The following EVC2 variants were observed in gnomAD, a reference collection of about 807,000 sequenced individuals.
EVC2 encodes the protein limbin.
EVC2 carries 148 observed loss-of-function variants against 149.3 expected under a neutral mutation model. The observed-to-expected ratio is 0.99, with a 90% CI of 0.87 to 1.14. The LOEUF (loss-of-function observed/expected upper bound fraction) is 1.14, where lower values mean the gene tolerates loss of function less well. Ranked by LOEUF, EVC2 falls within the 50% of genes most tolerant of loss-of-function variation. The pLI is 0.00. For synonymous variants in EVC2, 776 were observed against 649.9 expected (o/e 1.19, Z -2.95); for missense variants, 1,854 against 1,627.3 (o/e 1.14, Z -2.40).
intron 9 of EVC2, among the ~76,000 whole-genome samples, chr4:5,655,895 T>A (rs903018733): frequency 1.3e-5 from 2 of 152,104 alleles, no homozygotes; most frequent in African/African-American, 4.8e-5. Context: ...CCACAAGGAT[T>A]TCCAGTGGAA....
At chr4:5,544,306 A>C (rs959071775) in intron 21 of EVC2, among the ~76,000 whole-genome samples, 2 of 152,102 alleles carry the variant, frequency 1.3e-5, no homozygotes, top group Non-Finnish European at 2.9e-5. Context: ...CAAGTTGTCA[A>C]ATAGTGGATC....
chr4:5,682,112 C>T (rs1235917239), intron 6 of EVC2, among the ~76,000 whole-genome samples: 2 of 152,162 alleles, frequency 1.3e-5, no homozygotes. Context: ...CTGAAGAGTG[C>T]CTGGCACTAG....
chr4:5,636,098 T>C lies in EVC2; in HGVS notation c.1471-4066A>G, dbSNP rs1716874974. ...CTTACTTATACTCACAACAGCCCTC[T>C]AAGACCTCAGGCATCATGATTATCC... is the stretch of plus-strand genomic sequence containing the variant. On this transcript the variant is annotated intron_variant, in intron 10 of 21. Coordinates refer to ENST00000344408, the MANE Select transcript of EVC2 (RefSeq NM_147127.5). This position sits in a 1 kb window ranked among gnomAD's most constrained non-coding sequence, Gnocchi z 4.6. 6.6e-6 allele frequency among the ~76,000 whole-genome samples: 1 copy of C among 152,166 alleles called. No individual in the cohort carries two copies. Among genetic ancestry groups the C allele is most frequent in the South Asian group, 2.1e-4 (1 of 4,820 alleles).
At chr4:5,596,116 A>G (rs1713387685) in intron 16 of EVC2, among the ~76,000 whole-genome samples, 1 of 152,174 alleles carries the variant, frequency 6.6e-6, no homozygotes, top group African/African-American at 2.4e-5. Flanking sequence ...ACACAATAAC[A>G]ATGGGAGACT....
chr4:5,565,297 C>T lies in EVC2; in HGVS notation c.3620G>A (p.Gly1207Glu). Residue 1207 changes from glycine to glutamate, a missense_variant, in exon 21 of 22, where the codon GGA becomes GAA. Physicochemically the swap from Gly to Glu is moderately conservative, Grantham distance 98. Coordinates refer to ENST00000344408, the MANE Select transcript of EVC2 (RefSeq NM_147127.5). ...GCGGGCCCACAGCATCTTTTCTAAT[C>T]CTCTGCTTATCAGATCTCCTCGCAG... ...GKLRGDLISR[G>E]LEKMLWARKR... is the part of the protein sequence containing the mutation. 6.2e-7 allele frequency: 1 copy of T among 1,614,144 alleles called. No homozygotes were observed. Among genetic ancestry groups the T allele is most frequent in the African/African-American group, 1.3e-5 (1 of 75,034 alleles).
At chr4:5,560,209 T>C (rs1382723608), downstream of EVC2, among the ~76,000 whole-genome samples, 1 of 152,018 alleles carries the variant, frequency 6.6e-6, no homozygotes. The surrounding 1 kb of genome is among the most constrained non-coding windows in gnomAD (Gnocchi z 4.1). Flanking sequence ...TTCTCTCTCA[T>C]GAGTAGGCTT....
chr4:5,655,866 C>G (rs139761260), intron 9 of EVC2, among the ~76,000 whole-genome samples: 1 of 152,092 alleles, frequency 6.6e-6, no homozygotes, highest in African/African-American at 2.4e-5. Context: ...TTATGGGCCT[C>G]GTAAAACTGA....
intron 18 of EVC2, among the ~76,000 whole-genome samples, chr4:5,575,119 G>A (rs562723335): frequency 6.6e-6 from 1 of 152,222 alleles, no homozygotes; most frequent in South Asian, 2.1e-4. Flanking sequence ...AAGATCTGGG[G>A]TCTACACCCA....
At chr4:5,594,328 G>A (rs1178227194) in intron 16 of EVC2, among the ~76,000 whole-genome samples, 1 of 152,194 alleles carries the variant, frequency 6.6e-6, no homozygotes, top group Admixed American at 6.5e-5. Flanking sequence ...CCTCCCAGTA[G>A]GGGCAGACTG....
intron 14 of EVC2, among the ~76,000 whole-genome samples, chr4:5,620,681 C>G (rs1487975881): frequency 6.6e-6 from 1 of 152,142 alleles, no homozygotes. Context: ...CCTCTTTAAC[C>G]CTTGGAAAAA....
At chr4:5,647,193 A>G (rs751010033) in intron 9 of EVC2, among the ~76,000 whole-genome samples, 28 of 152,138 alleles carry the variant, frequency 1.8e-4, no homozygotes, top group Non-Finnish European at 3.5e-4. Flanking sequence ...TGCTGTCCTC[A>G]CAGCAAGCGG....
chr4:5,568,388 G>T lies in EVC2; in HGVS notation c.3557+56C>A, dbSNP rs1459819068. ...GCCTCCCATGACCTTGAGGACTCAT[G>T]GGGACCCTTGTGGACAGGGACGTGC... On this transcript the variant is annotated intron_variant, in intron 20 of 21. Transcript: ENST00000344408. 32 of 1,517,844 alleles carry T rather than the reference G, an allele frequency of 2.1e-5. No homozygotes were observed. The Admixed American group carries it at 6.4e-4, about 30-fold the overall frequency. The allele number at this position is 1,517,844 out of a possible 1,614,324, so 94.0% of individuals were successfully genotyped here.
chr4:5,698,294 C>A (rs143102536), intron 1 of EVC2, among the ~76,000 whole-genome samples: 9 of 152,254 alleles, frequency 5.9e-5, no homozygotes, highest in African/African-American at 1.7e-4. Flanking sequence ...GGTAAGCCAA[C>A]AGCCTGCGAA....
At chr4:5,543,359 C>A in intron 21 of EVC2, 1 of 396,714 alleles carries the variant, frequency 2.5e-6, no homozygotes, top group Non-Finnish European at 4.6e-6. Flanking sequence ...GGGTTAAATT[C>A]TCAGCCACTG....
intron 8 of EVC2, among the ~76,000 whole-genome samples, chr4:5,665,289 C>A (rs1444955236): frequency 1.3e-5 from 2 of 152,064 alleles, no homozygotes; most frequent in East Asian, 3.9e-4. Context: ...CCACTGGACT[C>A]AGCCTGCACA....
At chr4:5,655,178 A>G (rs1448605553) in intron 9 of EVC2, among the ~76,000 whole-genome samples, 1 of 152,102 alleles carries the variant, frequency 6.6e-6, no homozygotes. Flanking sequence ...TACAAACCCC[A>G]TAAGAACCCC....
At chr4:5,608,388 G>A (rs1261214630) in intron 16 of EVC2, among the ~76,000 whole-genome samples, 1 of 152,142 alleles carries the variant, frequency 6.6e-6, no homozygotes, top group Non-Finnish European at 1.5e-5. Flanking sequence ...TGAACTCCAA[G>A]GGACCTCCCA....
chr4:5,597,087 C>G (rs1425237023), intron 16 of EVC2, among the ~76,000 whole-genome samples: 2 of 152,092 alleles, frequency 1.3e-5, no homozygotes, highest in Non-Finnish European at 2.9e-5. Flanking sequence ...GCTTACCAAC[C>G]AAAAAGAGTC....
the EVC2 span, among the ~76,000 whole-genome samples, chr4:5,534,524 A>C: frequency 1.3e-5 from 2 of 152,208 alleles, no homozygotes; most frequent in Admixed American, 1.3e-4. Context: ...GTGACCTCTG[A>C]CGATTTTTCT....
Sources: gnomAD v4.1 joint callset for allele counts (sites outside exome capture counted in the v4.1 genomes callset) on GRCh38, gnomAD v4.1.1 for gene constraint, Gnocchi (gnomAD v3.1) non-coding constraint, MANE v1.5 for transcripts, NCBI Gene and HGNC (gene_info 2026-07-23, HGNC 2026-07-21) for gene names.